CFAP299: variants seen among roughly 807,000 people sequenced by gnomAD.
CFAP299 encodes cilia- and flagella-associated protein 299.
Under a neutral mutation model 27.0 loss-of-function variants are expected in CFAP299, and 21 were observed. The ratio of observed to expected loss-of-function variants is 0.78; its 90% CI spans 0.55 to 1.12. The LOEUF is 1.12. CFAP299 is among the 50% of genes most tolerant of loss of function. The pLI is 0.00. For missense variants in CFAP299, 310 were observed against 276.6 expected, an observed-to-expected ratio of 1.12 and a Z score of -0.86; for synonymous variants, 104 against 98.1, an observed-to-expected ratio of 1.06 and a Z score of -0.36.
At chr4:80,896,277 C>T (rs896322817) in intron 4 of CFAP299, among the ~76,000 whole-genome samples, 1 of 151,770 alleles carries the variant, frequency 6.6e-6, no homozygotes, top group Non-Finnish European at 1.5e-5. Context: ...TTTTGTAATA[C>T]ACATGTAATA....
chr4:80,768,773 T>C (rs1002717745), intron 3 of CFAP299, among the ~76,000 whole-genome samples: 1 of 152,198 alleles, frequency 6.6e-6, no homozygotes, highest in Admixed American at 6.5e-5. Context: ...GATTGGCAAA[T>C]TTGAGTGTCA....
At chr4:80,764,130 C>G (rs142974574) in intron 3 of CFAP299, among the ~76,000 whole-genome samples, 12 of 152,236 alleles carry the variant, frequency 7.9e-5, no homozygotes, top group African/African-American at 2.9e-4. Context: ...AGAGCTTCTA[C>G]ACAGCAAAAG....
At chr4:80,949,546 CAA>C (rs66476856) in intron 5 of CFAP299, among the ~76,000 whole-genome samples, 1 of 42,996 alleles carries the variant, frequency 2.3e-5, no homozygotes, top group Non-Finnish European at 7.5e-5. Flanking sequence ...ACAACAACAA[CAA>C]AAAAAAAAAG....
At chr4:80,722,537 GA>G (rs531447364) in intron 3 of CFAP299, among the ~76,000 whole-genome samples, 2 of 151,770 alleles carry the variant, frequency 1.3e-5, no homozygotes, top group Non-Finnish European at 2.9e-5. Flanking sequence ...CACAAGCTAG[GA>G]AAAAAAATAC....
chr4:80,959,741 A>T (rs1037677344), intron 5 of CFAP299, among the ~76,000 whole-genome samples: 29 of 151,966 alleles, frequency 1.9e-4, no homozygotes, highest in African/African-American at 6.8e-4. Flanking sequence ...AATCTCAGAG[A>T]TAGTTTTAAG....
At chr4:80,835,765 C>T in intron 3 of CFAP299, among the ~76,000 whole-genome samples, 1 of 152,146 alleles carries the variant, frequency 6.6e-6, no homozygotes, top group South Asian at 2.1e-4. Context: ...CTTCCATCCT[C>T]CAGAACTGTG....
intron 3 of CFAP299, among the ~76,000 whole-genome samples, chr4:80,723,546 C>T (rs905666877): frequency 2.0e-5 from 3 of 151,986 alleles, no homozygotes; most frequent in Admixed American, 6.6e-5. Flanking sequence ...AAAGAAACTA[C>T]ATCTGTGGTT....
At chr4:80,644,209 G>T (rs1739867823) in intron 3 of CFAP299, among the ~76,000 whole-genome samples, 1 of 152,140 alleles carries the variant, frequency 6.6e-6, no homozygotes, top group Non-Finnish European at 1.5e-5. Context: ...CAAAACATGT[G>T]CTTTGTGTGT....
In CFAP299 at chr4:80,772,653, G is replaced by A. The variant is rs146411276; in HGVS notation, c.334-97340G>A. On this transcript the variant is annotated intron_variant, in intron 3 of 5. Coordinates refer to ENST00000358105, the MANE Select transcript of CFAP299 (RefSeq NM_152770.3). ...GGTGGTTTGCTGCCCCTATCAACCC[G>A]TCATCTAGGTCTTAAGCCCCACATG... Among the ~76,000 whole-genome samples the A allele has an allele frequency of 4.0e-3, 609 of 151,862 alleles. 2 individuals carry two copies. Among genetic ancestry groups the A allele is most frequent in the Non-Finnish European group, 6.7e-3 (454 of 67,970 alleles).
At chr4:80,665,588 A>G (rs1741107518) in intron 3 of CFAP299, among the ~76,000 whole-genome samples, 1 of 152,150 alleles carries the variant, frequency 6.6e-6, no homozygotes. Flanking sequence ...CCTAAATTCT[A>G]CTTTATTGCT....
At chr4:80,956,427 A>G (rs1452501150) in intron 5 of CFAP299, among the ~76,000 whole-genome samples, 1 of 151,960 alleles carries the variant, frequency 6.6e-6, no homozygotes, top group African/African-American at 2.4e-5. Flanking sequence ...GCATGCTACT[A>G]TATAATATTC....
chr4:80,539,600 A>G (rs1489273749), intron 2 of CFAP299, among the ~76,000 whole-genome samples: 1 of 152,176 alleles, frequency 6.6e-6, no homozygotes, highest in Non-Finnish European at 1.5e-5. Context: ...AGTTAAATAC[A>G]GGAAGCAGGT....
At chr4:80,796,867 C>A (rs766165568) in intron 3 of CFAP299, among the ~76,000 whole-genome samples, 6 of 152,148 alleles carry the variant, frequency 3.9e-5, no homozygotes, top group Admixed American at 6.6e-5. Flanking sequence ...ACCACAATAG[C>A]TCTCACCCTA....
At chr4:80,858,479 T>C (rs1460593142) in intron 3 of CFAP299, among the ~76,000 whole-genome samples, 2 of 152,198 alleles carry the variant, frequency 1.3e-5, no homozygotes, top group African/African-American at 2.4e-5. Flanking sequence ...CTTGCTTTTC[T>C]AGTTCTTTTA....
intron 3 of CFAP299, among the ~76,000 whole-genome samples, chr4:80,799,155 A>G (rs1233117763): frequency 7.8e-6 from 1 of 128,126 alleles, no homozygotes; most frequent in East Asian, 2.2e-4. Context: ...ATATAAATAT[A>G]TTTATACAAT....
rs148309268 is a variant in CFAP299 at position 80,614,471 on chromosome 4, G to A, written c.333+31288G>A. ...TCTAATAGGCATCACAAATACTGTC[G>A]TTAGAGAAGATGGCTCGGATTTGAT... On this transcript the variant is annotated intron_variant, in intron 3 of 5. Transcript: ENST00000358105. Among the ~76,000 whole-genome samples, 349 of 152,286 alleles carry A rather than the reference G, an allele frequency of 2.3e-3. 4 individuals are homozygous for A. Among genetic ancestry groups the A allele is most frequent in the Admixed American group, 0.019 (295 of 15,300 alleles).
chr4:80,509,961 A>T (rs1193871625), intron 2 of CFAP299, among the ~76,000 whole-genome samples: 1 of 151,744 alleles, frequency 6.6e-6, no homozygotes, highest in African/African-American at 2.4e-5. Flanking sequence ...CACCATCAGT[A>T]TCAGCTTCAT....
chr4:80,360,294 C>A (rs2109995626), intron 1 of CFAP299, among the ~76,000 whole-genome samples: 1 of 152,296 alleles, frequency 6.6e-6, no homozygotes, highest in East Asian at 1.9e-4. Context: ...GTGACAGAGG[C>A]AATGCAGCTG....
intron 2 of CFAP299, among the ~76,000 whole-genome samples, chr4:80,521,460 C>A (rs1732907729): frequency 6.6e-6 from 1 of 152,058 alleles, no homozygotes; most frequent in Non-Finnish European, 1.5e-5. Context: ...TTGTTTTAAT[C>A]ATGGAAAAAA....
Sources: gnomAD v4.1 joint callset for allele counts (sites outside exome capture counted in the v4.1 genomes callset) on GRCh38, gnomAD v4.1.1 for gene constraint, MANE v1.5 for transcripts, NCBI Gene and HGNC (gene_info 2026-07-23, HGNC 2026-07-21) for gene names.